Variants in SETD2 observed in about 807,000 individuals in gnomAD.
The protein encoded by SETD2 is SET domain containing 2, histone lysine methyltransferase, also known as histone-lysine N-methyltransferase SETD2.
In SETD2, 31 loss-of-function variants were observed where a neutral mutation model predicts 242.1. That is an observed-to-expected ratio of 0.13 (90% CI 0.10 to 0.17). SETD2 has a LOEUF of 0.17. Among genes scored for constraint, SETD2 ranks in the 10% least tolerant of loss-of-function variants. SETD2 has a pLI of 1.00. For missense variants in SETD2, 2,481 were observed against 3,046.3 expected, an observed-to-expected ratio of 0.81 and a Z score of 4.37; for synonymous variants, 1,006 against 1,066.5, an observed-to-expected ratio of 0.94 and a Z score of 1.11.
chr3:47,083,944 C>G lies in SETD2; in HGVS notation c.5836G>C (p.Ala1946Pro). 6.2e-7 allele frequency: 1 copy of G among 1,614,164 alleles called. No homozygotes were observed. Among genetic ancestry groups the G allele is most frequent in the Non-Finnish European group, 8.5e-7 (1 of 1,180,018 alleles). The change falls in exon 12 of 21, where the codon GCT becomes CCT. Residue 1946 changes from alanine to proline, a missense_variant. Ala to Pro is a conservative substitution (Grantham distance 27, BLOSUM62 -1). This residue lies in a region of SETD2 where 203 missense variants were observed against 222.4 expected (regional missense o/e 0.91). Coordinates refer to ENST00000409792, the MANE Select transcript of SETD2 (RefSeq NM_014159.7). ...GGTTCAGATGTAGGTAGCTTACTAG[C>G]TTCTATGTTGGTTTCACTATCAACT... is the stretch of plus-strand genomic sequence containing the variant. Reference protein sequence around the residue: ...CKVDSETNIEASKLPTSEPEA... With the variant: ...CKVDSETNIEPSKLPTSEPEA...
chr3:47,038,759 T>A (rs1333419234), intron 17 of SETD2, among the ~76,000 whole-genome samples: 1 of 152,238 alleles, frequency 6.6e-6, no homozygotes, highest in Admixed American at 6.5e-5. Context: ...ATTTTTCTTT[T>A]TTAAAAAAGA....
rs764994848 is a variant in SETD2, at chr3:47,058,799, A to AT, written c.6294-1310dup. ...ACTGACTACAAAGGGGCACAGGGGAATTTTTTTTTTTTTGAGATGGAGTCT... is the reference window on the plus strand; with the variant it reads ...ACTGACTACAAAGGGGCACAGGGGAATTTTTTTTTTTTTTGAGATGGAGTCT... On this transcript the variant is annotated intron_variant, in intron 14 of 20. Transcript: ENST00000409792. Among the ~76,000 whole-genome samples the AT allele has an allele frequency of 7.3e-3, 1,062 of 145,036 alleles. 7 individuals carry two copies. Among genetic ancestry groups the AT allele is most frequent in the Middle Eastern group, 0.014 (4 of 282 alleles).
rs187519332 is a variant in SETD2 at position 47,119,538 on chromosome 3, G to C, written c.4454+644C>G. ...GGCCGGCCTTTCTCGTGTTATTCTT[G>C]TGATGGTGATTAAGTCACACAAGAT... On this transcript the variant is annotated intron_variant, in intron 3 of 20. Coordinates refer to ENST00000409792, the MANE Select transcript of SETD2 (RefSeq NM_014159.7). 6 of 178,208 alleles carry C rather than the reference G, an allele frequency of 3.4e-5. No individual in the cohort carries two copies. In the Admixed American group the frequency reaches 3.7e-4, roughly 11 times the overall value. The allele number at this position is 178,208 out of a possible 1,614,324, so 11.0% of individuals were successfully genotyped here. A position where few individuals can be genotyped will look rare whatever the true frequency, so the allele number is the denominator to read the frequency against.
intron 15 of SETD2, among the ~76,000 whole-genome samples, chr3:47,049,758 CTT>C (rs1437130667): frequency 3.5e-5 from 5 of 144,252 alleles, no homozygotes; most frequent in African/African-American, 1.3e-4. Flanking sequence ...TATATATAAA[CTT>C]ATTCTATGAG....
intron 18 of SETD2, among the ~76,000 whole-genome samples, 167 bp downstream of exon 18, chr3:47,037,499 T>C (rs117414382): frequency 1.0e-3 from 156 of 152,028 alleles, no homozygotes; most frequent in South Asian, 1.7e-3. Context: ...CCATGGTGTA[T>C]ATGTAAAAAG....
chr3:47,116,516 A>C, intron 4 of SETD2, 107 bp downstream of exon 4: 1 of 1,141,412 alleles, frequency 8.8e-7, no homozygotes, highest in Non-Finnish European at 1.2e-6. Flanking sequence ...GCTTGTAGTC[A>C]TCCATAGGTA....
intron 13 of SETD2, 68 bp from the exon 14 acceptor site, chr3:47,062,414 A>C: frequency 7.3e-7 from 1 of 1,368,184 alleles, no homozygotes. Flanking sequence ...TTTCTCCATC[A>C]TGACAATGTA....
intron 12 of SETD2, among the ~76,000 whole-genome samples, 160 bp downstream of exon 12, chr3:47,083,560 T>G (rs1316978597): frequency 6.6e-6 from 1 of 152,224 alleles, no homozygotes; most frequent in Non-Finnish European, 1.5e-5. Flanking sequence ...TGCCACGGTT[T>G]AGAGGATGTT....
rs1185252384 is a variant in SETD2, at chr3:47,056,538, T to C, written c.6963+283A>G. Among the ~76,000 whole-genome samples the C allele has an allele frequency of 2.6e-5, 4 of 152,298 alleles. No homozygotes were observed. The East Asian group carries it at 5.8e-4, about 22-fold the overall frequency. On this transcript the variant is annotated intron_variant, in intron 15 of 20. Transcript: ENST00000409792. ...GAGTAGGTTGGAAAGTGAATCTCTA[T>C]ATCTAGTTCAGCCTTCAGATGACTG...
At chr3:47,084,855 C>T (rs544435788) in intron 11 of SETD2, among the ~76,000 whole-genome samples, 5 of 151,634 alleles carry the variant, frequency 3.3e-5, no homozygotes, top group Non-Finnish European at 5.9e-5. Context: ...CTCAGCCTCC[C>T]GAGGAGCTGG....
At chr3:47,060,347 G>T (rs2040279411) in intron 14 of SETD2, among the ~76,000 whole-genome samples, 1 of 152,120 alleles carries the variant, frequency 6.6e-6, no homozygotes, top group Non-Finnish European at 1.5e-5. Context: ...TGGTGGGTAG[G>T]GTTCTAAGGA....
At chr3:47,063,840 G>A (rs548454717) in intron 13 of SETD2, among the ~76,000 whole-genome samples, 1 of 152,166 alleles carries the variant, frequency 6.6e-6, no homozygotes, top group South Asian at 2.1e-4. Flanking sequence ...AAAATTAGCT[G>A]GGCACGGTGG....
rs774362891 is a variant in SETD2 at position 47,122,846 on chromosome 3, C to T, written c.1790G>A (p.Gly597Asp). 1.2e-6 allele frequency: 2 copies of T among 1,613,330 alleles called. No individual in the cohort carries two copies. Among genetic ancestry groups the T allele is most frequent in the East Asian group, 2.2e-5 (1 of 44,852 alleles). Residue 597 changes from glycine (G) to aspartate (D), a missense_variant, in exon 3 of 21, where the codon GGT (glycine) becomes GAT (aspartate). This residue lies in a region of SETD2 where 1,300 missense variants were observed against 1,259.2 expected (regional missense o/e 1.03). Transcript: ENST00000409792. ...TTTATTAATCATTCTTAATTCACTA[C>T]CTTTTGAACAAGGTGTCTGTAAACT... ...SFSLQTPCSKGSELRMINKNP... is the reference protein window; with the variant it reads ...SFSLQTPCSKDSELRMINKNP...
At chr3:47,104,913 A>C (rs916184705) in intron 6 of SETD2, among the ~76,000 whole-genome samples, 1 of 152,270 alleles carries the variant, frequency 6.6e-6, no homozygotes, top group South Asian at 2.1e-4. Flanking sequence ...AACTAGATGC[A>C]TGCAAAACCA....
intron 18 of SETD2, among the ~76,000 whole-genome samples, chr3:47,027,788 T>G (rs13087426): frequency 0.47 from 71,485 of 151,422 alleles, 18,482 homozygotes; most frequent in Non-Finnish European, 0.57. Context: ...GCTGGTTTTT[T>G]TTTTTGTTTT....
chr3:47,090,775 T>G (rs1321397912), intron 9 of SETD2, among the ~76,000 whole-genome samples: 2 of 152,170 alleles, frequency 1.3e-5, no homozygotes, highest in East Asian at 3.8e-4. Context: ...CAGGTAACAT[T>G]ACAACTTAGC....
intron 15 of SETD2, 180 bp from the exon 16 acceptor site, chr3:47,046,801 T>C (rs2039552244): frequency 2.4e-6 from 1 of 409,558 alleles, no homozygotes; most frequent in Non-Finnish European, 4.2e-6. Flanking sequence ...TTTCTTTTTT[T>C]ACTAATTCCC....
At chr3:47,127,614 C>T in intron 1 of SETD2, 2 of 433,568 alleles carry the variant, frequency 4.6e-6, no homozygotes, top group South Asian at 3.3e-5. Flanking sequence ...GTAATCCCAG[C>T]ACTTTGGGAG....
At chr3:47,077,595 T>C (rs992998815) in intron 12 of SETD2, among the ~76,000 whole-genome samples, 1 of 152,226 alleles carries the variant, frequency 6.6e-6, no homozygotes, top group Non-Finnish European at 1.5e-5. Flanking sequence ...TACATGTTAA[T>C]TGATACACAC....
Sources: allele counts gnomAD v4.1 joint callset (sites outside exome capture counted in the v4.1 genomes callset), GRCh38; gene constraint gnomAD v4.1.1; regional missense constraint gnomAD v4.1.1; transcripts MANE v1.5; gene names NCBI Gene and HGNC (gene_info 2026-07-23, HGNC 2026-07-21).